Variants in DGKI observed in about 807,000 individuals in gnomAD.
The protein encoded by DGKI is diacylglycerol kinase iota, also known as DAG kinase iota.
A neutral mutation model predicts 147.5 loss-of-function variants in DGKI; 55 were observed. That is an observed-to-expected ratio of 0.37 (90% confidence interval 0.30 to 0.47). DGKI has a LOEUF of 0.47. Ranked by LOEUF, DGKI falls within the 20% of genes least tolerant of loss-of-function variation. DGKI has a pLI of 1.00. For synonymous variants in DGKI, 469 were observed against 477.1 expected (o/e 0.98, Z 0.22); for missense variants, 1,007 against 1,323.8 (o/e 0.76, Z 3.71).
intron 3 of DGKI, among the ~76,000 whole-genome samples, chr7:137,666,494 C>T (rs960989652): frequency 7.9e-5 from 12 of 152,210 alleles, no homozygotes; most frequent in South Asian, 2.1e-4. Flanking sequence ...GGGTGACTAT[C>T]GCGTACTGCC....
At position 137,397,301 on chromosome 7, in the gene DGKI, T is replaced by A. The variant is rs909367146; in HGVS notation, c.2957+76A>T. 5 of 1,393,654 alleles carry A rather than the reference T, an allele frequency of 3.6e-6. No individual in the cohort carries two copies. The African/African-American group carries it at 7.2e-5, about 20-fold the overall frequency. 86.3% of individuals were successfully genotyped at this position (1,393,654 alleles called of 1,614,324 possible). On this transcript the variant is annotated intron_variant, in intron 31 of 32. Coordinates refer to ENST00000614521, the MANE Select transcript of DGKI (RefSeq NM_001321708.2). ...TAAGTTAAAATTACCTATGATATGC[T>A]CTATAGATTACATTCTTCTCCCAGA...
rs556750185 is a variant in DGKI at position 137,399,015 on chromosome 7, T to C, written c.2921-1602A>G. ...TCCCAGGGTTCCATTTTTTTTTTTT[T>C]CACAAAAGCTAAAGTGGTAATTGCA... is the stretch of plus-strand genomic sequence containing the variant. On this transcript the variant is annotated intron_variant, in intron 30 of 32. Transcript: ENST00000614521. Among the ~76,000 whole-genome samples the C allele has an allele frequency of 6.8e-5, 10 of 146,702 alleles. No individual in the cohort carries two copies. In the South Asian group the frequency reaches 1.8e-3, roughly 26 times the overall value.
intron 1 of DGKI, among the ~76,000 whole-genome samples, chr7:137,753,556 T>C (rs1795581364): frequency 1.3e-5 from 2 of 151,800 alleles, no homozygotes; most frequent in African/African-American, 4.8e-5. Context: ...AGGAGGGGAG[T>C]TGAGCAAACT....
At chr7:137,422,224 A>G (rs1435485600) in intron 28 of DGKI, among the ~76,000 whole-genome samples, 1 of 152,196 alleles carries the variant, frequency 6.6e-6, no homozygotes, top group African/African-American at 2.4e-5. Flanking sequence ...TACAGGGCCA[A>G]TAGACTCACA....
At chr7:137,430,570 A>C (rs181988201) in intron 28 of DGKI, among the ~76,000 whole-genome samples, 1 of 152,038 alleles carries the variant, frequency 6.6e-6, no homozygotes, top group Admixed American at 6.5e-5. Context: ...TAAAATAAAA[A>C]ATAATTTTAA....
chr7:137,449,666 C>T (rs972464730), intron 27 of DGKI, among the ~76,000 whole-genome samples: 33 of 152,116 alleles, frequency 2.2e-4, no homozygotes, highest in African/African-American at 8.0e-4. Context: ...TTCTACACAG[C>T]AAAGGAAACA....
In DGKI at chr7:137,722,690, C is replaced by A; in HGVS notation, c.402-32688G>T. On this transcript the variant is annotated intron_variant, in intron 1 of 32. Coordinates refer to ENST00000614521, the MANE Select transcript of DGKI (RefSeq NM_001321708.2). ...CACCAGGAAGGTGAGATCTTCGACA[C>A]AGAAAAAGAGAAATATGAGATTACG... 3.2e-6 allele frequency: 5 copies of A among 1,574,442 alleles called. No individual in the cohort carries two copies. The South Asian group carries it at 5.6e-5, about 17-fold the overall frequency.
intron 6 of DGKI, among the ~76,000 whole-genome samples, chr7:137,638,410 C>T (rs1446985003): frequency 7.4e-6 from 1 of 135,694 alleles, no homozygotes; most frequent in African/African-American, 2.8e-5. Context: ...TTTTCAGTCT[C>T]TTATCTGGCA....
chr7:137,431,382 C>A (rs1456876301), intron 28 of DGKI, among the ~76,000 whole-genome samples: 1 of 151,990 alleles, frequency 6.6e-6, no homozygotes. Flanking sequence ...ATCATTGGCA[C>A]TTTGCATTGT....
intron 1 of DGKI, among the ~76,000 whole-genome samples, chr7:137,720,391 G>A (rs1026866225): frequency 6.6e-6 from 1 of 151,270 alleles, no homozygotes; most frequent in East Asian, 1.9e-4. Flanking sequence ...CCGAGTGGCT[G>A]GGACCACAGG....
intron 10 of DGKI, among the ~76,000 whole-genome samples, chr7:137,606,649 C>A (rs1820194969): frequency 6.6e-6 from 1 of 152,100 alleles, no homozygotes; most frequent in African/African-American, 2.4e-5. Flanking sequence ...TGTTCAAAAG[C>A]CAAAAGATTT....
intron 20 of DGKI, among the ~76,000 whole-genome samples, chr7:137,550,060 A>G (rs1330760290): frequency 1.3e-5 from 2 of 152,070 alleles, no homozygotes; most frequent in African/African-American, 2.4e-5. Context: ...TATTATTCCC[A>G]TTTCTCATAA....
chr7:137,780,462 T>C (rs182159803), intron 1 of DGKI, among the ~76,000 whole-genome samples: 13 of 152,276 alleles, frequency 8.5e-5, no homozygotes, highest in Non-Finnish European at 1.6e-4. Context: ...GCAATTCCTG[T>C]AAGATGCACA....
In DGKI at chr7:137,609,465, A is replaced by T. The variant is rs28447315; in HGVS notation, c.1068+70T>A. On this transcript the variant is annotated intron_variant, in intron 9 of 32. Coordinates refer to ENST00000614521, the MANE Select transcript of DGKI (RefSeq NM_001321708.2). The stretch of plus-strand genomic sequence containing the variant: ...GATCAGAAAAATCAACTTGGACCAG[A>T]TCTCATAGGACAGAGTAGACTATGG... 6.2e-3 allele frequency: 7,535 copies of T among 1,210,468 alleles called. 224 individuals are homozygous for T. In the African/African-American group the frequency reaches 0.082, roughly 13 times the overall value. 75.0% of individuals were successfully genotyped at this position (1,210,468 alleles called of 1,614,324 possible).
chr7:137,426,164 C>T (rs915338282), intron 28 of DGKI, among the ~76,000 whole-genome samples: 1 of 152,130 alleles, frequency 6.6e-6, no homozygotes, highest in Non-Finnish European at 1.5e-5. Context: ...GTTGGGTTAC[C>T]CACAAAGGGA....
chr7:137,639,932 A>G (rs1173062842), intron 6 of DGKI, among the ~76,000 whole-genome samples: 1 of 152,254 alleles, frequency 6.6e-6, no homozygotes, highest in East Asian at 1.9e-4. Context: ...TTCACCCATG[A>G]ATCACCACAA....
chr7:137,648,364 G>C (rs1821905811), intron 5 of DGKI, among the ~76,000 whole-genome samples: 1 of 152,188 alleles, frequency 6.6e-6, no homozygotes, highest in Non-Finnish European at 1.5e-5. Flanking sequence ...CTACTCAAAA[G>C]AGTCAGCCAA....
intron 2 of DGKI, among the ~76,000 whole-genome samples, chr7:137,689,598 C>T (rs1585374048): frequency 6.6e-6 from 1 of 152,336 alleles, no homozygotes; most frequent in Middle Eastern, 3.4e-3. Flanking sequence ...TCATCGTCAA[C>T]TTGGCAGAAA....
intron 7 of DGKI, among the ~76,000 whole-genome samples, chr7:137,621,223 C>T (rs1233142514): frequency 6.6e-6 from 1 of 152,052 alleles, no homozygotes; most frequent in Admixed American, 6.6e-5. Flanking sequence ...ACAAATATAC[C>T]AGATAAATAT....
Sources: allele counts gnomAD v4.1 joint callset (sites outside exome capture counted in the v4.1 genomes callset), GRCh38; gene constraint gnomAD v4.1.1; transcripts MANE v1.5; gene names NCBI Gene and HGNC (gene_info 2026-07-23, HGNC 2026-07-21).